PIWIL2: variants seen among roughly 807,000 people sequenced by gnomAD.
PIWIL2 encodes the protein piwi like RNA-mediated gene silencing 2, also known as piwi-like protein 2.
In PIWIL2, 81 loss-of-function variants were observed where a neutral mutation model predicts 116.5. The observed-to-expected ratio is 0.70, with a 90% CI of 0.58 to 0.84. PIWIL2 has a LOEUF of 0.84. Ranked by LOEUF, PIWIL2 falls within the 40% of genes least tolerant of loss-of-function variation. The probability of loss-of-function intolerance (pLI) is 0.00; values close to 1 mark genes in which losing one functional copy is unlikely to be tolerated. For missense variants in PIWIL2, 1,272 were observed against 1,212.3 expected (o/e 1.05, Z -0.73); for synonymous variants, 489 against 429.5 (o/e 1.14, Z -1.71).
intron 20 of PIWIL2, among the ~76,000 whole-genome samples, chr8:22,342,565 C>T (rs553213447): frequency 6.6e-6 from 1 of 152,110 alleles, no homozygotes; most frequent in Admixed American, 6.6e-5. Flanking sequence ...AACAAGTGGC[C>T]ACCTGCATGC....
At chr8:22,279,627 CTG>C (rs2131976791) in intron 2 of PIWIL2, 43 bp downstream of exon 2, 1 of 1,547,294 alleles carries the variant, frequency 6.5e-7, no homozygotes, top group Non-Finnish European at 8.9e-7. Flanking sequence ...TACAGCTTAC[CTG>C]TGTGCCGTCA....
intron 15 of PIWIL2, 56 bp from the exon 16 acceptor site, chr8:22,311,056 A>C (rs916970657): frequency 3.6e-6 from 5 of 1,381,392 alleles, no homozygotes; most frequent in African/African-American, 1.5e-5. Context: ...AATCTTAAGT[A>C]TGAGTTTGGG....
chr8:22,325,554 A>T (rs895211938), intron 20 of PIWIL2, among the ~76,000 whole-genome samples: 1 of 129,378 alleles, frequency 7.7e-6, no homozygotes, highest in Non-Finnish European at 1.5e-5. Context: ...CGTGATCTCC[A>T]TTCACTGCAA....
chr8:22,349,374 T>C (rs1586600840), intron 20 of PIWIL2, among the ~76,000 whole-genome samples: 1 of 148,680 alleles, frequency 6.7e-6, no homozygotes, highest in East Asian at 2.0e-4. Context: ...TGTATATCCT[T>C]GATCTAGCTC....
intron 13 of PIWIL2, among the ~76,000 whole-genome samples, chr8:22,306,635 C>T (rs1586561446): frequency 6.6e-6 from 1 of 152,312 alleles, no homozygotes; most frequent in East Asian, 1.9e-4. Context: ...CTCTCTGCTG[C>T]CTCACTTTCC....
intron 16 of PIWIL2, 78 bp from the exon 17 acceptor site, chr8:22,314,250 G>A: frequency 1.5e-6 from 1 of 656,026 alleles, no homozygotes. Flanking sequence ...TGCATACTCA[G>A]AATACTGCCA....
chr8:22,327,301 T>G (rs1316188853), intron 20 of PIWIL2, among the ~76,000 whole-genome samples: 3 of 150,990 alleles, frequency 2.0e-5, no homozygotes, highest in Non-Finnish European at 4.4e-5. Flanking sequence ...CCTCCCAAAG[T>G]GAGGCACCAC....
At chr8:22,343,812 TG>T (rs1331531758) in intron 20 of PIWIL2, among the ~76,000 whole-genome samples, 3 of 152,240 alleles carry the variant, frequency 2.0e-5, no homozygotes, top group Admixed American at 1.3e-4. Flanking sequence ...ACAACCACTT[TG>T]CAAAACAGTT....
At chr8:22,282,445 C>CCCAGAGAG (rs979738884) in intron 4 of PIWIL2, among the ~76,000 whole-genome samples, 10 of 152,128 alleles carry the variant, frequency 6.6e-5, no homozygotes, top group Admixed American at 5.2e-4. Context: ...GCCTTGGCTT[C>CCCAGAGAG]CCAGAGAGCT....
chr8:22,337,314 C>A (rs897283098), intron 20 of PIWIL2, among the ~76,000 whole-genome samples: 2 of 152,078 alleles, frequency 1.3e-5, no homozygotes, highest in African/African-American at 4.8e-5. Context: ...GTTGAAGATA[C>A]AAGATCAGTA....
At chr8:22,316,488 G>C (rs546548349) in intron 19 of PIWIL2, among the ~76,000 whole-genome samples, 155 bp downstream of exon 19, 47 of 150,940 alleles carry the variant, frequency 3.1e-4, no homozygotes, top group Non-Finnish European at 5.2e-4. Context: ...TTTTTTTCGG[G>C]GGGGAGGGGT....
rs138180864 is a variant in PIWIL2 at position 22,323,143 on chromosome 8, C to CTTTTT, written c.2403+4886_2403+4890dup. On this transcript the variant is annotated intron_variant, in intron 20 of 22. Transcript: ENST00000356766. ...GGGCTAGGGCTAGGATAGTCTTGAT[C>CTTTTT]TTTTTTTTTTTTTTTTTTTTTTGAG... is the stretch of plus-strand genomic sequence containing the variant. 6.0e-4 allele frequency among the ~76,000 whole-genome samples: 47 copies of CTTTTT among 78,014 alleles called. 1 individual carries two copies. Among genetic ancestry groups the CTTTTT allele is most frequent in the African/African-American group, 1.4e-3 (25 of 18,060 alleles). 51.2% of individuals were successfully genotyped at this position (78,014 alleles called of 152,430 possible). A position where few individuals can be genotyped will look rare whatever the true frequency, so the allele number is the denominator to read the frequency against.
chr8:22,287,184 T>C (rs887326576), intron 6 of PIWIL2, among the ~76,000 whole-genome samples: 9 of 152,098 alleles, frequency 5.9e-5, no homozygotes, highest in South Asian at 2.1e-4. Context: ...GAGGTGGAGA[T>C]TGCAGTGAGC....
At position 22,283,122 on chromosome 8, in the gene PIWIL2, T is replaced by C. The variant is rs1320811478; in HGVS notation, c.514T>C (p.Cys172Arg). The change falls in exon 5 of 23, where the codon TGT becomes CGT. Residue 172 changes from cysteine (C) to arginine (R), a missense_variant. Cys to Arg is a radical substitution (Grantham distance 180). Coordinates refer to ENST00000356766, the MANE Select transcript of PIWIL2 (RefSeq NM_018068.5). ...GISREVDKPP[C>R]TFSTPSRGPP... is the part of the protein sequence containing the mutation. ...CAGCAGAGAAGTGGACAAGCCTCCCTGTACCTTCAGCACACCGTCCCGGGG... is the reference window on the plus strand; with the variant it reads ...CAGCAGAGAAGTGGACAAGCCTCCCCGTACCTTCAGCACACCGTCCCGGGG... 1 of 1,614,156 alleles carries C rather than the reference T, an allele frequency of 6.2e-7. No homozygotes were observed. The highest frequency in any genetic ancestry group is 1.7e-5 in the Admixed American group (1 of 60,016).
At chr8:22,331,176 AAAAAAATAAAAAT>A (rs1417999601) in intron 20 of PIWIL2, among the ~76,000 whole-genome samples, 1 of 151,984 alleles carries the variant, frequency 6.6e-6, no homozygotes, top group Admixed American at 6.6e-5. Flanking sequence ...ACTCTGTCTC[AAAAAAATAAAAAT>A]AAAAAATAAA....
Position 22,312,631 on chromosome 8 carries a change from T to G in PIWIL2, c.1989+1331T>G, listed in dbSNP as rs1424155119. 2.6e-5 allele frequency among the ~76,000 whole-genome samples: 4 copies of G among 152,248 alleles called. No homozygotes were observed. In the East Asian group the frequency reaches 7.7e-4, roughly 29 times the overall value. On this transcript the variant is annotated intron_variant, in intron 16 of 22. Transcript: ENST00000356766. ...CAACAGCACACTTGTGTTCTTTCTT[T>G]GGTGTGTTTCTCTCTCTCTTTTTTT...
At chr8:22,306,345 T>G (rs1319423459) in intron 13 of PIWIL2, among the ~76,000 whole-genome samples, 1 of 152,212 alleles carries the variant, frequency 6.6e-6, no homozygotes, top group Non-Finnish European at 1.5e-5. Flanking sequence ...CATATGACCA[T>G]GGGTGAGGTT....
At chr8:22,281,587 C>T in intron 4 of PIWIL2, 72 bp downstream of exon 4, 1 of 1,257,888 alleles carries the variant, frequency 7.9e-7, no homozygotes, top group Non-Finnish European at 1.1e-6. Flanking sequence ...GAGAGCAACT[C>T]TAAGAAGAGT....
At chr8:22,320,956 C>A (rs1831584176) in intron 20 of PIWIL2, among the ~76,000 whole-genome samples, 1 of 152,142 alleles carries the variant, frequency 6.6e-6, no homozygotes, top group African/African-American at 2.4e-5. Flanking sequence ...ATTCCTTTTC[C>A]ATCTCTTACA....
Sources: allele counts gnomAD v4.1 joint callset (sites outside exome capture counted in the v4.1 genomes callset), GRCh38; gene constraint gnomAD v4.1.1; transcripts MANE v1.5; gene names NCBI Gene and HGNC (gene_info 2026-07-23, HGNC 2026-07-21).